Variants in FGF14 observed in about 807,000 individuals in gnomAD.
The protein encoded by FGF14 is fibroblast growth factor 14, also known as fibroblast growth factor homologous factor 4.
A neutral mutation model predicts 25.5 loss-of-function variants in FGF14; 5 were observed. The ratio of observed to expected loss-of-function variants is 0.20; its 90% CI spans 0.10 to 0.41. The LOEUF (loss-of-function observed/expected upper bound fraction) is 0.41, where lower values mean the gene tolerates loss of function less well. Ranked by LOEUF, FGF14 falls within the 10% of genes least tolerant of loss-of-function variation. The pLI, the probability that FGF14 is intolerant of heterozygous loss-of-function variation, is 1.00. For synonymous variants in FGF14, 138 were observed against 118.3 expected (o/e 1.17, Z -1.08); for missense variants, 222 against 320.1 (o/e 0.69, Z 2.34).
intron 1 of FGF14, among the ~76,000 whole-genome samples, chr13:102,161,670 G>C (rs1381668460): frequency 3.1e-4 from 16 of 51,788 alleles, no homozygotes; most frequent in African/African-American, 9.8e-4. Context: ...AGAAGAAGAA[G>C]AAGAAGAAGA....
At chr13:102,254,732 C>T (rs867195546) in intron 1 of FGF14, among the ~76,000 whole-genome samples, 7 of 152,168 alleles carry the variant, frequency 4.6e-5, no homozygotes, top group East Asian at 3.9e-4. Flanking sequence ...ACTAAATGCA[C>T]GTAGCATCAT....
At chr13:101,845,704 G>A (rs539734198) in intron 3 of FGF14, among the ~76,000 whole-genome samples, 6 of 152,106 alleles carry the variant, frequency 3.9e-5, no homozygotes, top group East Asian at 3.9e-4. Flanking sequence ...CACCAGAGGC[G>A]TAAATGAGGT....
intron 3 of FGF14, among the ~76,000 whole-genome samples, chr13:101,749,043 C>G (rs2037088398): frequency 6.6e-6 from 1 of 152,060 alleles, no homozygotes; most frequent in Non-Finnish European, 1.5e-5. Flanking sequence ...TACGCTAAGT[C>G]AAATATGTCA....
At chr13:102,171,085 TA>T (rs200244445) in intron 1 of FGF14, among the ~76,000 whole-genome samples, 2,041 of 152,198 alleles carry the variant, frequency 0.013, 44 homozygotes, top group African/African-American at 0.047. Context: ...AACCGTCCTG[TA>T]AAAAAAGTCA....
intron 1 of FGF14, among the ~76,000 whole-genome samples, chr13:102,374,998 G>A (rs2058004804): frequency 1.3e-5 from 2 of 151,860 alleles, no homozygotes; most frequent in Non-Finnish European, 2.9e-5. Context: ...TTCTGCTTTG[G>A]TTGACTAAAC....
chr13:102,140,708 T>C (rs2046610335), intron 1 of FGF14, among the ~76,000 whole-genome samples: 1 of 152,100 alleles, frequency 6.6e-6, no homozygotes, highest in Non-Finnish European at 1.5e-5. Context: ...AGGTCACAAT[T>C]TTTTGAGGAG....
chr13:101,909,688 T>G (rs1427975119), intron 1 of FGF14, among the ~76,000 whole-genome samples: 14 of 152,262 alleles, frequency 9.2e-5, no homozygotes, highest in Middle Eastern at 3.4e-3. Context: ...GTGTGGCGAT[T>G]CCTCAGGGAT....
At chr13:101,777,180 T>C (rs2039176110) in intron 3 of FGF14, among the ~76,000 whole-genome samples, 1 of 152,326 alleles carries the variant, frequency 6.6e-6, no homozygotes, top group East Asian at 1.9e-4. Context: ...AGTGGGGCCT[T>C]TGGCAGGTAT....
chr13:101,873,040 A>AC (rs2045197904), intron 2 of FGF14, among the ~76,000 whole-genome samples: 1 of 150,570 alleles, frequency 6.6e-6, no homozygotes, highest in Admixed American at 6.6e-5. Context: ...AAAAAAAAAA[A>AC]ACATATATTT....
At chr13:102,019,880 A>T (rs537517196) in intron 1 of FGF14, among the ~76,000 whole-genome samples, 62 of 152,298 alleles carry the variant, frequency 4.1e-4, no homozygotes, top group Middle Eastern at 6.8e-3. Context: ...TATTCTATTC[A>T]ACGCAGGTGT....
At chr13:102,108,018 T>G (rs2045013097) in intron 1 of FGF14, among the ~76,000 whole-genome samples, 1 of 152,204 alleles carries the variant, frequency 6.6e-6, no homozygotes, top group Non-Finnish European at 1.5e-5. Context: ...CAGCATTTCT[T>G]CAGGACATTT....
At chr13:101,866,943 C>A (rs902648026) in intron 3 of FGF14, among the ~76,000 whole-genome samples, 4 of 152,066 alleles carry the variant, frequency 2.6e-5, no homozygotes, top group African/African-American at 9.7e-5. Flanking sequence ...AAGAGGAGAA[C>A]ACCAACATCT....
chr13:101,985,715 A>G (rs1247554483), intron 1 of FGF14, among the ~76,000 whole-genome samples: 1 of 152,120 alleles, frequency 6.6e-6, no homozygotes, highest in African/African-American at 2.4e-5. Context: ...GTAAAATGCT[A>G]TGCATAAATT....
intron 1 of FGF14, among the ~76,000 whole-genome samples, chr13:102,095,153 T>G (rs1333636130): frequency 1.3e-5 from 2 of 152,142 alleles, no homozygotes; most frequent in Non-Finnish European, 2.9e-5. Flanking sequence ...GTGCATAACT[T>G]CACAGGAATT....
At chr13:101,927,258 T>C (rs1287344389) in intron 1 of FGF14, among the ~76,000 whole-genome samples, 1 of 152,210 alleles carries the variant, frequency 6.6e-6, no homozygotes, top group Non-Finnish European at 1.5e-5. Flanking sequence ...GTATTGTATA[T>C]ATACATAAAA....
At chr13:101,728,838 ATCCT>A (rs2035617934) in intron 3 of FGF14, among the ~76,000 whole-genome samples, 1 of 152,104 alleles carries the variant, frequency 6.6e-6, no homozygotes, top group Non-Finnish European at 1.5e-5. Flanking sequence ...ACTGATGCTC[ATCCT>A]GTTGCTACAA....
At chr13:102,301,415 G>T (rs1594782217) in intron 1 of FGF14, among the ~76,000 whole-genome samples, 5 of 152,228 alleles carry the variant, frequency 3.3e-5, no homozygotes, top group Admixed American at 3.3e-4. Flanking sequence ...TTCCTACTTT[G>T]CAGACAATAA....
At chr13:101,851,466 G>T (rs966307777) in intron 3 of FGF14, among the ~76,000 whole-genome samples, 1 of 152,032 alleles carries the variant, frequency 6.6e-6, no homozygotes, top group Non-Finnish European at 1.5e-5. Flanking sequence ...GCGGTACTTT[G>T]TTACCGCAGT....
At chr13:102,139,430 A>G (rs1242149456) in intron 1 of FGF14, among the ~76,000 whole-genome samples, 1 of 152,142 alleles carries the variant, frequency 6.6e-6, no homozygotes, top group African/African-American at 2.4e-5. Context: ...AGAAATGGAA[A>G]ATAACATATA....
Sources: gnomAD v4.1 joint callset for allele counts (sites outside exome capture counted in the v4.1 genomes callset) on GRCh38, gnomAD v4.1.1 for gene constraint, MANE v1.5 for transcripts, NCBI Gene and HGNC (gene_info 2026-07-23, HGNC 2026-07-21) for gene names.